HLCS: variants seen among roughly 807,000 people sequenced by gnomAD.
HLCS encodes the protein holocarboxylase synthetase.
A neutral mutation model predicts 75.0 loss-of-function variants in HLCS; 53 were observed. That is an observed-to-expected ratio of 0.71 (90% CI 0.57 to 0.89). HLCS has a LOEUF of 0.89. HLCS is among the 40% of genes least tolerant of loss of function. HLCS has a pLI of 0.00. For synonymous variants in HLCS, 431 were observed against 428.6 expected, an observed-to-expected ratio of 1.01 and a Z score of -0.07; for missense variants, 966 against 1,074.0, an observed-to-expected ratio of 0.90 and a Z score of 1.41.
intron 1 of HLCS, among the ~76,000 whole-genome samples, chr21:36,982,815 G>A (rs1014664741): frequency 2.6e-5 from 4 of 152,142 alleles, no homozygotes; most frequent in Admixed American, 2.0e-4. Flanking sequence ...TGGATCACGA[G>A]GTCAGGAGTT....
At chr21:36,812,572 T>A (rs978726035) in intron 6 of HLCS, among the ~76,000 whole-genome samples, 15 of 152,296 alleles carry the variant, frequency 9.8e-5, no homozygotes, top group African/African-American at 3.4e-4. Context: ...TTTGACTTAG[T>A]TTGTTTAAAT....
At chr21:36,875,892 T>A (rs2063954357) in intron 6 of HLCS, among the ~76,000 whole-genome samples, 1 of 152,226 alleles carries the variant, frequency 6.6e-6, no homozygotes, top group African/African-American at 2.4e-5. Flanking sequence ...AAGCCAGGGC[T>A]GTGACACCCT....
At chr21:36,895,243 T>C (rs1383181819) in intron 6 of HLCS, among the ~76,000 whole-genome samples, 1 of 152,222 alleles carries the variant, frequency 6.6e-6, no homozygotes, top group Non-Finnish European at 1.5e-5. Flanking sequence ...TTCAATAACT[T>C]GTCTCATTTT....
In HLCS at chr21:36,965,106, T is replaced by C. The variant is rs79908381; in HGVS notation, c.195+1338A>G. ...TATTCAGTGTGACATAATACATATA[T>C]GGTACTAACAAGAAAGAGTATTTTT... On this transcript the variant is annotated intron_variant, in intron 1 of 10. Coordinates refer to ENST00000674895, the MANE Select transcript of HLCS (RefSeq NM_001352514.2). Among the ~76,000 whole-genome samples, 49 of 152,294 alleles carry C rather than the reference T, an allele frequency of 3.2e-4. No individual in the cohort carries two copies. The East Asian group carries it at 8.7e-3, about 27-fold the overall frequency.
chr21:36,949,367 G>A (rs1196762307), intron 2 of HLCS, among the ~76,000 whole-genome samples: 2 of 152,208 alleles, frequency 1.3e-5, no homozygotes, highest in Non-Finnish European at 2.9e-5. Flanking sequence ...AGCTCAGCCA[G>A]GGCTGTCCAC....
At chr21:36,820,197 G>A (rs1264438490) in intron 6 of HLCS, among the ~76,000 whole-genome samples, 1 of 148,090 alleles carries the variant, frequency 6.8e-6, no homozygotes, top group East Asian at 1.9e-4. Flanking sequence ...TGGGGACTAG[G>A]GGGCAGGTAG....
At chr21:36,931,457 C>T (rs905891208) in intron 4 of HLCS, among the ~76,000 whole-genome samples, 6 of 151,882 alleles carry the variant, frequency 4.0e-5, no homozygotes, top group South Asian at 2.1e-4. Context: ...ATTTTAAGAG[C>T]GTTTGCAGGA....
chr21:36,866,400 G>T (rs1436039559), intron 6 of HLCS, among the ~76,000 whole-genome samples: 1 of 152,146 alleles, frequency 6.6e-6, no homozygotes, highest in Non-Finnish European at 1.5e-5. Context: ...CATTTTGACG[G>T]TCATTACACT....
At chr21:36,955,985 A>G (rs1045378849) in intron 2 of HLCS, among the ~76,000 whole-genome samples, 2 of 152,218 alleles carry the variant, frequency 1.3e-5, no homozygotes, top group African/African-American at 2.4e-5. Flanking sequence ...AGGCTACCCC[A>G]TAAATCCCAG....
chr21:36,922,317 T>C (rs2066206712), intron 5 of HLCS, among the ~76,000 whole-genome samples: 1 of 152,216 alleles, frequency 6.6e-6, no homozygotes, highest in African/African-American at 2.4e-5. Flanking sequence ...TATGTGTATG[T>C]TACGGAACAG....
At chr21:36,849,869 A>G (rs2062928582) in intron 6 of HLCS, among the ~76,000 whole-genome samples, 1 of 152,220 alleles carries the variant, frequency 6.6e-6, no homozygotes, top group Non-Finnish European at 1.5e-5. Context: ...GCAGATATTA[A>G]AAGATGCATG....
intron 2 of HLCS, among the ~76,000 whole-genome samples, chr21:36,961,128 CTT>C (rs2068267732): frequency 6.6e-6 from 1 of 152,310 alleles, no homozygotes; most frequent in Admixed American, 6.5e-5. Flanking sequence ...GATTTTCTCT[CTT>C]TGAAGCAGAA....
chr21:36,860,450 G>A (rs1485701457), intron 6 of HLCS, among the ~76,000 whole-genome samples: 1 of 152,170 alleles, frequency 6.6e-6, no homozygotes, highest in Non-Finnish European at 1.5e-5. Flanking sequence ...AACATGCAGA[G>A]AAAGCTGCTG....
At chr21:36,967,249 T>A (rs542783827), upstream of HLCS, among the ~76,000 whole-genome samples, 1 of 152,306 alleles carries the variant, frequency 6.6e-6, no homozygotes, top group African/African-American at 2.4e-5. Context: ...GCCGTTTTTA[T>A]TAAATTATAC....
At chr21:36,754,883 T>C (rs1347588458) in intron 10 of HLCS, among the ~76,000 whole-genome samples, 1 of 152,200 alleles carries the variant, frequency 6.6e-6, no homozygotes, top group Non-Finnish European at 1.5e-5. Context: ...ATTTTCCAAA[T>C]GTACTCAAGT....
chr21:36,897,184 C>A (rs2065049803), intron 5 of HLCS, 53 bp from the exon 6 acceptor site: 18 of 1,595,028 alleles, frequency 1.1e-5, no homozygotes, highest in Middle Eastern at 1.7e-4. Context: ...TACATTAGAT[C>A]ATGGTAGCTT....
At chr21:36,939,061 C>G in intron 2 of HLCS, 67 bp from the exon 3 acceptor site, 1 of 1,421,810 alleles carries the variant, frequency 7.0e-7, no homozygotes, top group Non-Finnish European at 9.5e-7. Flanking sequence ...TCTAAAATAA[C>G]CACATACTTT....
intron 1 of HLCS, among the ~76,000 whole-genome samples, chr21:36,975,697 C>T (rs145693673): frequency 0.011 from 1,744 of 152,170 alleles, 18 homozygotes; most frequent in Non-Finnish European, 0.014. Flanking sequence ...TGCTGGAGCC[C>T]GGGAGTTCCA....
At chr21:36,853,467 G>C (rs1388353263) in intron 6 of HLCS, among the ~76,000 whole-genome samples, 1 of 152,138 alleles carries the variant, frequency 6.6e-6, no homozygotes, top group African/African-American at 2.4e-5. Flanking sequence ...ATAACAGTAT[G>C]TTTAAAACAT....
Sources: gnomAD v4.1 joint callset for allele counts (sites outside exome capture counted in the v4.1 genomes callset) on GRCh38, gnomAD v4.1.1 for gene constraint, MANE v1.5 for transcripts, NCBI Gene and HGNC (gene_info 2026-07-23, HGNC 2026-07-21) for gene names.